The following TRPM3 variants were observed in gnomAD, a reference collection of about 807,000 sequenced individuals.
The protein encoded by TRPM3 is long transient receptor potential channel 3.
TRPM3 carries 77 observed loss-of-function variants against 181.2 expected under a neutral mutation model. The observed-to-expected ratio is 0.42, with a 90% CI of 0.35 to 0.51. The LOEUF is 0.51. Ranked by LOEUF, TRPM3 falls within the 20% of genes least tolerant of loss-of-function variation. TRPM3 has a pLI of 0.01. For missense variants in TRPM3, 1,759 were observed against 2,196.7 expected (o/e 0.80, Z 3.98); for synonymous variants, 745 against 796.4 (o/e 0.94, Z 1.09).
intron 8 of TRPM3, among the ~76,000 whole-genome samples, chr9:70,748,189 A>G (rs2075517110): frequency 6.6e-6 from 1 of 152,174 alleles, no homozygotes; most frequent in Non-Finnish European, 1.5e-5. Context: ...AAAATTTACT[A>G]AAAAGGTTGC....
intron 1 of TRPM3, among the ~76,000 whole-genome samples, chr9:70,897,644 A>C (rs2096298122): frequency 6.6e-6 from 1 of 152,216 alleles, no homozygotes; most frequent in African/African-American, 2.4e-5. Context: ...TAAAGTCTAT[A>C]GTAACTCTCT....
intron 22 of TRPM3, among the ~76,000 whole-genome samples, chr9:70,568,080 A>G (rs1454452527): frequency 6.6e-6 from 1 of 152,214 alleles, no homozygotes; most frequent in African/African-American, 2.4e-5. Context: ...CCTGAATTGG[A>G]TATGTGAACT....
At chr9:71,427,580 T>A (rs1455290622) in intron 1 of TRPM3, among the ~76,000 whole-genome samples, 1 of 152,170 alleles carries the variant, frequency 6.6e-6, no homozygotes, top group African/African-American at 2.4e-5. Context: ...TATGCAGGCA[T>A]AAAAAAGAAC....
Position 71,077,678 on chromosome 9 carries a change from T to C in TRPM3, c.177+43500A>G, listed in dbSNP as rs17056231. ...CCTGTGCTCCTGTAACACCCGTTTTTACCCACACTCTGCCCGCACTAGTGG... is the reference window on the plus strand; with the variant it reads ...CCTGTGCTCCTGTAACACCCGTTTTCACCCACACTCTGCCCGCACTAGTGG... On this transcript the variant is annotated intron_variant, in intron 1 of 25. Coordinates refer to ENST00000677713, the MANE Select transcript of TRPM3 (RefSeq NM_001366145.2). Among the ~76,000 whole-genome samples the C allele has an allele frequency of 9.9e-3, 1,512 of 152,188 alleles. 23 individuals carry two copies. The highest frequency in any genetic ancestry group is 0.012 in the Non-Finnish European group (794 of 68,026).
chr9:71,060,164 CA>C (rs1226026628), intron 1 of TRPM3, among the ~76,000 whole-genome samples: 1 of 152,108 alleles, frequency 6.6e-6, no homozygotes, highest in African/African-American at 2.4e-5. Flanking sequence ...CTAATCATCA[CA>C]GCTGAATAGG....
At chr9:70,538,397 C>T (rs529636567) in intron 25 of TRPM3, among the ~76,000 whole-genome samples, 1 of 152,232 alleles carries the variant, frequency 6.6e-6, no homozygotes, top group East Asian at 1.9e-4. Context: ...TCCCAAAGTG[C>T]TGGGATTACA....
chr9:70,901,402 T>A (rs1564721577), intron 1 of TRPM3, among the ~76,000 whole-genome samples: 1 of 152,124 alleles, frequency 6.6e-6, no homozygotes, highest in South Asian at 2.1e-4. Context: ...TTAAATCCAG[T>A]GGCTTACTTT....
At chr9:70,784,372 C>G in intron 6 of TRPM3, 93 bp from the exon 7 acceptor site, 1 of 1,345,496 alleles carries the variant, frequency 7.4e-7, no homozygotes, top group Admixed American at 2.7e-5. Flanking sequence ...AAAGCACAAA[C>G]TAAAATTACT....
chr9:71,372,623 C>T (rs1173206346), intron 1 of TRPM3, among the ~76,000 whole-genome samples: 23 of 152,060 alleles, frequency 1.5e-4, no homozygotes, highest in Non-Finnish European at 2.2e-4. Context: ...AGCTTTTTAC[C>T]ATATGCTTGT....
intron 1 of TRPM3, among the ~76,000 whole-genome samples, chr9:71,395,446 A>G (rs1341619592): frequency 6.6e-6 from 1 of 152,236 alleles, no homozygotes; most frequent in Non-Finnish European, 1.5e-5. Context: ...AAGGTCTGAT[A>G]GTACAAAAAC....
intron 1 of TRPM3, among the ~76,000 whole-genome samples, chr9:71,217,649 T>G (rs1803938761): frequency 1.3e-5 from 2 of 152,136 alleles, no homozygotes; most frequent in Non-Finnish European, 2.9e-5. Context: ...AAAGCCATAG[T>G]TTTTAAGTCT....
At chr9:71,332,817 G>GA (rs56906264) in intron 1 of TRPM3, among the ~76,000 whole-genome samples, 31,021 of 151,582 alleles carry the variant, frequency 0.2, 3,943 homozygotes, top group Middle Eastern at 0.33. Flanking sequence ...GCTTTGCCCA[G>GA]AAAAAAACAC....
intron 1 of TRPM3, among the ~76,000 whole-genome samples, chr9:71,230,576 A>G (rs2080986537): frequency 6.6e-6 from 1 of 152,216 alleles, no homozygotes; most frequent in African/African-American, 2.4e-5. Flanking sequence ...CCTATACCCC[A>G]TTAATATATA....
At chr9:70,767,301 A>T (rs557953137) in intron 7 of TRPM3, among the ~76,000 whole-genome samples, 2 of 152,120 alleles carry the variant, frequency 1.3e-5, no homozygotes, top group Non-Finnish European at 2.9e-5. Flanking sequence ...TCTTGCAAAC[A>T]CTCCATGCAG....
intron 20 of TRPM3, among the ~76,000 whole-genome samples, chr9:70,598,929 G>C (rs953100638): frequency 6.6e-6 from 1 of 152,164 alleles, no homozygotes; most frequent in Non-Finnish European, 1.5e-5. Context: ...TAAGAGTTTT[G>C]CTATAAAATG....
At chr9:70,923,543 A>AT (rs2096681283) in intron 1 of TRPM3, among the ~76,000 whole-genome samples, 1 of 152,156 alleles carries the variant, frequency 6.6e-6, no homozygotes, top group Non-Finnish European at 1.5e-5. Flanking sequence ...TTTACCAAGA[A>AT]TTGGATATAA....
At chr9:71,275,991 G>A (rs996144507) in intron 1 of TRPM3, among the ~76,000 whole-genome samples, 21 of 151,964 alleles carry the variant, frequency 1.4e-4, no homozygotes, top group Admixed American at 9.8e-4. Flanking sequence ...ACAGGAACCC[G>A]CCACCACACC....
At chr9:70,587,473 G>C (rs144325624) in intron 22 of TRPM3, among the ~76,000 whole-genome samples, 8 of 152,292 alleles carry the variant, frequency 5.3e-5, no homozygotes, top group African/African-American at 9.6e-5. Flanking sequence ...TGCCAACAAA[G>C]GTGCACTTCT....
At chr9:70,693,193 T>C (rs1358191992) in intron 8 of TRPM3, among the ~76,000 whole-genome samples, 1 of 152,258 alleles carries the variant, frequency 6.6e-6, no homozygotes, top group African/African-American at 2.4e-5. Flanking sequence ...GCAATTGATG[T>C]TACCTCTTTC....
Sources: allele counts gnomAD v4.1 joint callset (sites outside exome capture counted in the v4.1 genomes callset), GRCh38; gene constraint gnomAD v4.1.1; transcripts MANE v1.5; gene names NCBI Gene and HGNC (gene_info 2026-07-23, HGNC 2026-07-21).